ACAP3: variants seen among roughly 807,000 people sequenced by gnomAD.
ACAP3 encodes the protein ArfGAP with coiled-coil, ankyrin repeat and PH domains 3, also known as arf-GAP with coiled-coil, ANK repeat and PH domain-containing protein 3.
ACAP3 carries 56 observed loss-of-function variants against 104.1 expected under a neutral mutation model. The observed-to-expected ratio is 0.54, with a 90% CI of 0.43 to 0.67. ACAP3 has a LOEUF of 0.67. ACAP3 is among the 30% of genes least tolerant of loss of function. ACAP3 has a pLI of 0.00. For missense variants in ACAP3, 1,208 were observed against 1,174.9 expected, an observed-to-expected ratio of 1.03 and a Z score of -0.41; for synonymous variants, 628 against 496.2, an observed-to-expected ratio of 1.27 and a Z score of -3.53.
At chr1:1,302,516 C>T (rs900653024) in intron 4 of ACAP3, among the ~76,000 whole-genome samples, 3 of 152,188 alleles carry the variant, frequency 2.0e-5, no homozygotes, top group Non-Finnish European at 4.4e-5. Context: ...TTGTCTACTT[C>T]GGGACCTCCT....
intron 15 of ACAP3, 53 bp downstream of exon 15, chr1:1,296,372 C>T (rs1641152885): frequency 6.5e-7 from 1 of 1,533,754 alleles, no homozygotes; most frequent in Non-Finnish European, 8.7e-7. Context: ...AGGGGCCCAC[C>T]TGTGGATGCT....
intron 10 of ACAP3, chr1:1,298,911 C>T (rs899438699): frequency 8.8e-6 from 5 of 569,494 alleles, no homozygotes; most frequent in Admixed American, 3.3e-5. Context: ...GCTGGGGGCC[C>T]GAGAGTGCCG....
chr1:1,302,797 C>CT (rs1213558833), intron 4 of ACAP3, 125 bp downstream of exon 4: 1 of 221,032 alleles, frequency 4.5e-6, no homozygotes, highest in Non-Finnish European at 8.5e-6. Context: ...TGTGGGATTC[C>CT]CCCCCCCCCC....
intron 5 of ACAP3, among the ~76,000 whole-genome samples, chr1:1,300,930 C>T (rs930263415): frequency 6.6e-6 from 1 of 152,160 alleles, no homozygotes; most frequent in African/African-American, 2.4e-5. Context: ...CGCCACCAGG[C>T]CTAATTTTGT....
chr1:1,302,224 T>C (rs2296475), intron 4 of ACAP3, among the ~76,000 whole-genome samples, 178 bp from the exon 5 acceptor site: 139,680 of 152,188 alleles, frequency 0.92, 64,209 homozygotes, highest in Non-Finnish European at 0.95. Flanking sequence ...GAGTTGGCAC[T>C]CAGAGGCGAT....
chr1:1,305,598 G>A (rs1291791151), intron 1 of ACAP3: 2 of 152,228 alleles, frequency 1.3e-5, no homozygotes, highest in African/African-American at 4.8e-5. Flanking sequence ...CAGAGGCCCC[G>A]AGAGCCGCTC....
chr1:1,298,912 G>A lies in ACAP3; in HGVS notation c.751-233C>T, dbSNP rs11808777. On this transcript the variant is annotated intron_variant, in intron 10 of 23. Transcript: ENST00000354700. ...CCCTCACGTTCACAGCTGGGGGCCC[G>A]AGAGTGCCGGCCCCACCCCAGCCCT... The A allele has an allele frequency of 7.4e-4, 419 of 565,492 alleles. 2 individuals are homozygous for A. Among genetic ancestry groups the A allele is most frequent in the African/African-American group, 7.1e-3 (369 of 52,242 alleles). 35.0% of individuals were successfully genotyped at this position (565,492 alleles called of 1,614,324 possible).
chr1:1,293,060 G>A lies in ACAP3; in HGVS notation c.*504C>T, dbSNP rs1385567686. 6.6e-6 allele frequency: 1 copy of A among 152,234 alleles called. No individual in the cohort carries two copies. Among genetic ancestry groups the A allele is most frequent in the Admixed American group, 6.5e-5 (1 of 15,284 alleles). 9.4% of individuals were successfully genotyped at this position (152,234 alleles called of 1,614,324 possible). A position where few individuals can be genotyped will look rare whatever the true frequency, so the allele number is the denominator to read the frequency against. On this transcript the variant is annotated 3_prime_UTR_variant, in exon 24 of 24. Coordinates refer to ENST00000354700, the MANE Select transcript of ACAP3 (RefSeq NM_030649.3). ...CCAGAGCCCCTCCCGCCCAGCACCC[G>A]CGACGCCAGCCTGGATGCTGGGGTC...
intron 4 of ACAP3, among the ~76,000 whole-genome samples, chr1:1,302,351 G>C (rs1641480786): frequency 6.6e-6 from 1 of 152,076 alleles, no homozygotes; most frequent in South Asian, 2.1e-4. Flanking sequence ...CGGCCACCCT[G>C]GGGTGCCCAT....
chr1:1,300,363 C>T, intron 6 of ACAP3, 146 bp downstream of exon 6: 4 of 1,223,896 alleles, frequency 3.3e-6, no homozygotes, highest in Non-Finnish European at 4.5e-6. Flanking sequence ...TGGTCCTGGA[C>T]TGCTTCCCCA....
In ACAP3 at chr1:1,300,632, C is replaced by T; in HGVS notation, c.399G>A (p.Glu133=). The T allele has an allele frequency of 2.5e-6, 4 of 1,609,556 alleles. No individual in the cohort carries two copies. Among genetic ancestry groups the T allele is most frequent in the Non-Finnish European group, 3.4e-6 (4 of 1,179,092 alleles). ...KQFDKVREDL[E]LSLVRNAQAP... is the part of the protein sequence containing the mutation. ...CCTGGGCGTTCCTCACCAGGGACAG[C>T]TCCAGGTCCTCCCGCACCTTGTCAA... The change falls in exon 6 of 24, where the codon GAG becomes GAA. Residue 133 remains glutamate, a synonymous_variant. Coordinates refer to ENST00000354700, the MANE Select transcript of ACAP3 (RefSeq NM_030649.3).
At chr1:1,296,376 G>C in intron 15 of ACAP3, 49 bp downstream of exon 15, 3 of 1,533,064 alleles carry the variant, frequency 2.0e-6, no homozygotes, top group Non-Finnish European at 2.6e-6. Context: ...GCCCACCTGT[G>C]GATGCTCCAG....
chr1:1,298,532 A>G (rs199530697), intron 11 of ACAP3, 35 bp downstream of exon 11: 23 of 626,722 alleles, frequency 3.7e-5, no homozygotes, highest in African/African-American at 7.7e-5. Context: ...ACCCCCGCCT[A>G]AGGACCCCGC....
intron 19 of ACAP3, 52 bp from the exon 20 acceptor site, chr1:1,294,868 C>G: frequency 6.5e-7 from 1 of 1,529,922 alleles, no homozygotes; most frequent in Non-Finnish European, 8.8e-7. Flanking sequence ...CAGACTCCGT[C>G]CAGAGCCCTG....
chr1:1,300,137 G>A, intron 7 of ACAP3, 21 bp downstream of exon 7: 2 of 1,609,698 alleles, frequency 1.2e-6, no homozygotes, highest in Non-Finnish European at 1.7e-6. Context: ...CTGTGCTCAG[G>A]GGCAGCCCCC....
rs201454095 is a variant in ACAP3 at position 1,293,715 on chromosome 1, G to A, written c.2361-7C>T. ...CATGCGCGCCAGACGGAGCCTACGGGGAGGCACAGCGTGAGACGCCCCTGC... is the reference window on the plus strand; with the variant it reads ...CATGCGCGCCAGACGGAGCCTACGGAGAGGCACAGCGTGAGACGCCCCTGC... On this transcript the variant is annotated splice_region_variant and splice_polypyrimidine_tract_variant and intron_variant, in intron 23 of 23. Coordinates refer to ENST00000354700, the MANE Select transcript of ACAP3 (RefSeq NM_030649.3). 18 of 1,022,490 alleles carry A rather than the reference G, an allele frequency of 1.8e-5. No homozygotes were observed. In the Admixed American group the frequency reaches 3.0e-4, roughly 17 times the overall value. 63.3% of individuals were successfully genotyped at this position (1,022,490 alleles called of 1,614,324 possible).
chr1:1,297,979 G>GC (rs751228971), intron 13 of ACAP3, 34 bp downstream of exon 13: 12 of 1,610,178 alleles, frequency 7.5e-6, no homozygotes, highest in East Asian at 6.7e-5. Flanking sequence ...GGGCAGGTAC[G>GC]CCCCCCGCCC....
intron 5 of ACAP3, 82 bp from the exon 6 acceptor site, chr1:1,300,774 T>C (rs1199271816): frequency 6.9e-7 from 1 of 1,451,148 alleles, no homozygotes; most frequent in African/African-American, 1.5e-5. Flanking sequence ...GTTGTTTGTG[T>C]GTTTTTTGTT....
In ACAP3 at chr1:1,296,266, T is replaced by TG; in HGVS notation, c.1351dup (p.His451ProfsTer16). ...CGTCAGGGACCGCACCTTGGAGCAG[T>TG]GGACACCCAGGCTCCTGGAGAGCAG... is the stretch of plus-strand genomic sequence containing the variant. On this transcript the variant is annotated frameshift_variant, in exon 16 of 24. Coordinates refer to ENST00000354700, the MANE Select transcript of ACAP3 (RefSeq NM_030649.3). LOFTEE classifies it high-confidence loss of function. 6.4e-7 allele frequency: 1 copy of TG among 1,559,320 alleles called. No individual in the cohort carries two copies. Among genetic ancestry groups the TG allele is most frequent in the Non-Finnish European group, 8.7e-7 (1 of 1,151,854 alleles).
Sources: allele counts gnomAD v4.1 joint callset (sites outside exome capture counted in the v4.1 genomes callset), GRCh38; gene constraint gnomAD v4.1.1; transcripts MANE v1.5; gene names NCBI Gene and HGNC (gene_info 2026-07-23, HGNC 2026-07-21).